The following PAK3 variants were observed in gnomAD, a reference collection of about 807,000 sequenced individuals.
PAK3 encodes serine/threonine-protein kinase PAK 3.
Under a neutral mutation model 41.0 loss-of-function variants are expected in PAK3, and 4 were observed. The observed-to-expected ratio is 0.10, with a 90% CI of 0.05 to 0.22. PAK3 has a LOEUF of 0.22. PAK3 is among the 10% of genes least tolerant of loss of function. PAK3 has a pLI of 1.00. For synonymous variants in PAK3, 146 were observed against 139.6 expected (o/e 1.05, Z -0.32); for missense variants, 205 against 409.9 (o/e 0.50, Z 4.32).
At chrX:111,127,175 G>A (rs1266197582) in intron 5 of PAK3, among the ~76,000 whole-genome samples, 1 of 111,710 alleles carries the variant, frequency 9.0e-6, no homozygotes, top group Non-Finnish European at 1.9e-5. Context: ...TTTATGCAAA[G>A]TATTTGTAAA....
chrX:111,208,086 G>A (rs1351125484), intron 16 of PAK3, among the ~76,000 whole-genome samples: 8 of 112,353 alleles, frequency 7.1e-5, no homozygotes, highest in South Asian at 7.4e-4. Context: ...GAGCCACCAC[G>A]CCCAGCCTGT....
intron 8 of PAK3, among the ~76,000 whole-genome samples, chrX:111,156,193 T>C (rs1463883135): frequency 9.0e-6 from 1 of 111,364 alleles, no homozygotes; most frequent in African/African-American, 3.3e-5. Context: ...TCTAGAGGTA[T>C]TTAGATTATT....
At chrX:110,955,455 G>A (rs2090835839) in intron 1 of PAK3, among the ~76,000 whole-genome samples, 1 of 111,531 alleles carries the variant, frequency 9.0e-6, no homozygotes, top group Admixed American at 9.5e-5. Flanking sequence ...TTCCGGTAAT[G>A]AGAGTCAATA....
At chrX:111,059,353 G>T (rs1423036974) in intron 1 of PAK3, among the ~76,000 whole-genome samples, 1 of 110,225 alleles carries the variant, frequency 9.1e-6, no homozygotes, top group African/African-American at 3.3e-5. Context: ...TAATTTTTTT[G>T]TAGAGACAGA....
chrX:111,203,081 AG>A (rs1176910246), intron 16 of PAK3, among the ~76,000 whole-genome samples: 1 of 111,507 alleles, frequency 9.0e-6, no homozygotes, highest in Non-Finnish European at 1.9e-5. Context: ...CCCCATCCTC[AG>A]GGAAAAATGG....
At chrX:111,180,468 A>AAAC (rs2094452512) in intron 11 of PAK3, among the ~76,000 whole-genome samples, 2 of 112,133 alleles carry the variant, frequency 1.8e-5, no homozygotes, top group African/African-American at 6.5e-5. Flanking sequence ...TGTCCTTTCC[A>AAAC]AACTGTATTT....
intron 1 of PAK3, among the ~76,000 whole-genome samples, chrX:110,971,250 T>A (rs2091201459): frequency 8.9e-6 from 1 of 111,978 alleles, no homozygotes; most frequent in Admixed American, 9.5e-5. Context: ...CAATCCACCA[T>A]CTTCCCCGGC....
chrX:111,156,050 T>A (rs1451038284), intron 8 of PAK3, among the ~76,000 whole-genome samples: 2 of 111,388 alleles, frequency 1.8e-5, no homozygotes, highest in South Asian at 3.9e-4. Flanking sequence ...TGACGGCAAA[T>A]GTCCAGAATG....
At chrX:111,171,299 G>C (rs1190697687) in intron 10 of PAK3, among the ~76,000 whole-genome samples, 1 of 111,506 alleles carries the variant, frequency 9.0e-6, no homozygotes, top group East Asian at 2.8e-4. Context: ...TTTGTACCAT[G>C]TGTTAGTAAG....
At chrX:110,958,709 G>A (rs1464050703) in intron 1 of PAK3, among the ~76,000 whole-genome samples, 1 of 111,598 alleles carries the variant, frequency 9.0e-6, no homozygotes, top group Non-Finnish European at 1.9e-5. Flanking sequence ...TAGCATATAA[G>A]CTCTATTACC....
intron 1 of PAK3, among the ~76,000 whole-genome samples, chrX:111,036,147 T>C (rs1267180114): frequency 8.9e-6 from 1 of 111,774 alleles, no homozygotes; most frequent in Non-Finnish European, 1.9e-5. Context: ...CACAGTCCAA[T>C]TGAGACACTA....
intron 1 of PAK3, among the ~76,000 whole-genome samples, chrX:111,052,785 A>G (rs1327223183): frequency 8.9e-6 from 1 of 112,394 alleles, no homozygotes; most frequent in Non-Finnish European, 1.9e-5. Flanking sequence ...AAGTTGATGC[A>G]ATAGCAATGG....
intron 5 of PAK3, among the ~76,000 whole-genome samples, chrX:111,129,872 G>C (rs1177154314): frequency 9.0e-6 from 1 of 111,421 alleles, no homozygotes; most frequent in Non-Finnish European, 1.9e-5. Context: ...TTAAAAAATG[G>C]AGTGTTGCAA....
intron 11 of PAK3, among the ~76,000 whole-genome samples, chrX:111,184,831 G>T (rs1449091349): frequency 1.8e-5 from 2 of 111,363 alleles, no homozygotes; most frequent in Non-Finnish European, 3.8e-5. Context: ...CCAAGACTTT[G>T]CTATTGTGAA....
At chrX:110,959,281 G>T (rs1008962884) in intron 1 of PAK3, among the ~76,000 whole-genome samples, 1 of 111,821 alleles carries the variant, frequency 8.9e-6, no homozygotes, top group Non-Finnish European at 1.9e-5. Flanking sequence ...TCAGAGTTTC[G>T]AGACATCTTA....
chrX:111,058,393 G>A (rs1423968643), intron 1 of PAK3, among the ~76,000 whole-genome samples: 1 of 111,219 alleles, frequency 9.0e-6, no homozygotes, highest in African/African-American at 3.3e-5. Context: ...GGCATGAGAC[G>A]GTATCTTATT....
chrX:111,148,361 TGTGA>T (rs2093980563), intron 7 of PAK3, among the ~76,000 whole-genome samples: 1 of 112,261 alleles, frequency 8.9e-6, no homozygotes, highest in Non-Finnish European at 1.9e-5. Context: ...GAAAACTATG[TGTGA>T]CTATTTTTAG....
intron 1 of PAK3, among the ~76,000 whole-genome samples, chrX:110,976,751 CAT>C (rs1191087934): frequency 8.9e-6 from 1 of 111,774 alleles, no homozygotes; most frequent in African/African-American, 3.3e-5. Context: ...AAATGTGACA[CAT>C]ATACAACATG....
rs1055518049 is a variant in PAK3 at position 111,033,347 on chromosome X, C to T, written c.-28+88719C>T. ...CCTCCTCCATCTCTACAGATCCAAA[C>T]ACACACGCAGGTATTCATAATGCAC... On this transcript the variant is annotated intron_variant, in intron 1 of 14. Coordinates refer to the PAK3 transcript ENST00000425146. Among the ~76,000 whole-genome samples the T allele has an allele frequency of 2.7e-5, 3 of 111,808 alleles. No homozygotes were observed. The East Asian group carries it at 8.4e-4, about 31-fold the overall frequency.
Sources: gnomAD v4.1 joint callset for allele counts (sites outside exome capture counted in the v4.1 genomes callset) on GRCh38, gnomAD v4.1.1 for gene constraint, MANE v1.5 for transcripts, NCBI Gene and HGNC (gene_info 2026-07-23, HGNC 2026-07-21) for gene names.